Variants in TRAF7 observed in about 807,000 individuals in gnomAD.
TRAF7 encodes E3 ubiquitin-protein ligase TRAF7.
In TRAF7, 45 loss-of-function variants were observed where a neutral mutation model predicts 89.3. The ratio of observed to expected loss-of-function variants is 0.50; its 90% confidence interval spans 0.40 to 0.65. The LOEUF (loss-of-function observed/expected upper bound fraction) is 0.65, where lower values mean the gene tolerates loss of function less well. Among genes scored for constraint, TRAF7 ranks in the 30% least tolerant of loss-of-function variants. TRAF7 has a pLI of 0.00. For missense variants in TRAF7, 677 were observed against 918.1 expected (o/e 0.74, Z 3.39); for synonymous variants, 406 against 369.2 (o/e 1.10, Z -1.14).
In TRAF7 at chr16:2,174,275, A is replaced by C. The variant is rs765386143; in HGVS notation, c.1288A>C (p.Lys430Gln). 1 of 1,613,166 alleles carries C rather than the reference A, an allele frequency of 6.2e-7. No individual in the cohort carries two copies. The change falls in exon 14 of 21, where the codon AAG becomes CAG. Residue 430 changes from lysine to glutamine, a missense_variant. Physicochemically the swap from Lys to Gln is moderately conservative, Grantham distance 53. Coordinates refer to ENST00000326181, the MANE Select transcript of TRAF7 (RefSeq NM_032271.3). The part of the protein sequence containing the change: ...IKVWDTCTTY[K>Q]CQKTLEGHDG... ...GGTGTGGGACACATGTACCACCTAC[A>C]AGTGTCAGAAGACACTGGAGGGCCA... is the stretch of plus-strand genomic sequence containing the variant.
At chr16:2,172,048 G>A (rs1162701907) in intron 7 of TRAF7, 143 bp from the exon 8 acceptor site, 4 of 923,504 alleles carry the variant, frequency 4.3e-6, no homozygotes, top group East Asian at 2.6e-5. Context: ...CTTCTTGGTG[G>A]CCCACCTGTG....
rs531197830 is a variant in TRAF7 at position 2,162,979 on chromosome 16, G to C, written c.-38-904G>C. ...CAGAGCCTGGTGCCTCACGGGGGGA[G>C]AGTGGGCGTCATCCAGCATGGACAG... On this transcript the variant is annotated intron_variant, in intron 1 of 20. Coordinates refer to ENST00000326181, the MANE Select transcript of TRAF7 (RefSeq NM_032271.3). The surrounding 1 kb of genome is among the most constrained non-coding windows in gnomAD (Gnocchi z 5.0). Among the ~76,000 whole-genome samples the C allele has an allele frequency of 6.6e-6, 1 of 151,188 alleles. No individual in the cohort carries two copies. Among genetic ancestry groups the C allele is most frequent in the Admixed American group, 6.5e-5 (1 of 15,286 alleles).
chr16:2,156,742 G>T (rs148498479), intron 1 of TRAF7, among the ~76,000 whole-genome samples: 2 of 152,036 alleles, frequency 1.3e-5, no homozygotes, highest in African/African-American at 4.8e-5. Context: ...GGTGGGGCGG[G>T]GGGGTTATTA....
In TRAF7 at chr16:2,178,072, T is replaced by G; in HGVS notation, c.*1498T>G. ...ATTTGTTAAAGTTATACCTTTTTGT[T>G]TCTCTGGGGAAATCCGCCTCAGCTC... On this transcript the variant is annotated 3_prime_UTR_variant, in exon 21 of 21. Transcript: ENST00000326181. 1 of 486,536 alleles carries G rather than the reference T, an allele frequency of 2.1e-6. No individual in the cohort carries two copies. The highest frequency in any genetic ancestry group is 3.9e-6 in the Non-Finnish European group (1 of 254,414). 30.1% of individuals were successfully genotyped at this position (486,536 alleles called of 1,614,324 possible).
In TRAF7 at chr16:2,163,725, G is replaced by A. The variant is rs1037265376; in HGVS notation, c.-38-158G>A. On this transcript the variant is annotated intron_variant, in intron 1 of 20. Transcript: ENST00000326181. This position sits in a 1 kb window ranked among gnomAD's most constrained non-coding sequence, Gnocchi z 4.3. The stretch of plus-strand genomic sequence containing the variant: ...CCTGGGATCGGGGTGAAGGACCTTT[G>A]CCTCCTAGAGGCCTGCCTGAGCCGG... 3.3e-6 allele frequency: 2 copies of A among 611,788 alleles called. No homozygotes were observed. The highest frequency in any genetic ancestry group is 5.8e-6 in the Non-Finnish European group (2 of 342,512). 37.9% of individuals were successfully genotyped at this position (611,788 alleles called of 1,614,324 possible).
In TRAF7 at chr16:2,171,731, T is replaced by A. The variant is rs975686763; in HGVS notation, c.475+126T>A. ...TGTTTGGCCTCTGCTGGGGTTGGGA[T>A]GGGGCTGCAGCCGTCCTAGGGACGC... On this transcript the variant is annotated intron_variant, in intron 7 of 20. Transcript: ENST00000326181. 44 of 1,448,540 alleles carry A rather than the reference T, an allele frequency of 3.0e-5. 1 individual carries two copies. The highest frequency in any genetic ancestry group is 4.0e-5 in the Non-Finnish European group (42 of 1,050,448). 89.7% of individuals were successfully genotyped at this position (1,448,540 alleles called of 1,614,324 possible). A position where few individuals can be genotyped will look rare whatever the true frequency, so the allele number is the denominator to read the frequency against.
At chr16:2,166,255 T>C (rs111438499) in intron 3 of TRAF7, among the ~76,000 whole-genome samples, 1,634 of 152,246 alleles carry the variant, frequency 0.011, 28 homozygotes, top group African/African-American at 0.037. Context: ...GTCACAGTGA[T>C]CCCCAGCTTG....
At chr16:2,172,823 G>C (rs1480938633) in intron 9 of TRAF7, among the ~76,000 whole-genome samples, 3 of 144,400 alleles carry the variant, frequency 2.1e-5, no homozygotes, top group African/African-American at 7.5e-5. Flanking sequence ...AGCATGGGCG[G>C]ATTTGAGCAA....
In TRAF7 at chr16:2,167,135, C is replaced by G. The variant is rs1358327798; in HGVS notation, c.140-942C>G. Among the ~76,000 whole-genome samples, 3 of 152,248 alleles carry G rather than the reference C, an allele frequency of 2.0e-5. No individual in the cohort carries two copies. In the East Asian group the frequency reaches 5.8e-4, roughly 29 times the overall value. Reference sequence around the variant, plus strand: ...CCCCCAAAAAACGGTGCCTTTTCATCTACCCTTAGAAGCCCCATGGCCCCT... The same window carrying G: ...CCCCCAAAAAACGGTGCCTTTTCATGTACCCTTAGAAGCCCCATGGCCCCT... On this transcript the variant is annotated intron_variant, in intron 3 of 20. Coordinates refer to ENST00000326181, the MANE Select transcript of TRAF7 (RefSeq NM_032271.3).
chr16:2,162,323 C>T lies in TRAF7; in HGVS notation c.-38-1560C>T, dbSNP rs891234011. Among the ~76,000 whole-genome samples, 7 of 152,146 alleles carry T rather than the reference C, an allele frequency of 4.6e-5. No homozygotes were observed. The highest frequency in any genetic ancestry group is 1.4e-4 in the African/African-American group (6 of 41,456). On this transcript the variant is annotated intron_variant, in intron 1 of 20. Coordinates refer to ENST00000326181, the MANE Select transcript of TRAF7 (RefSeq NM_032271.3). This position sits in a 1 kb window ranked among gnomAD's most constrained non-coding sequence, Gnocchi z 5.0. ...GAACCAAGGGCTTGAGAGCCAGCCC[C>T]TCCCTGCACACCTGTAGGCCGGGCT...
At chr16:2,157,571 C>T (rs2093040209) in intron 1 of TRAF7, among the ~76,000 whole-genome samples, 1 of 152,312 alleles carries the variant, frequency 6.6e-6, no homozygotes, top group Non-Finnish European at 1.5e-5. Context: ...CGTGTTCAGC[C>T]GTCACACATC....
chr16:2,173,654 C>A (rs2093122891), intron 11 of TRAF7, 100 bp downstream of exon 11: 1 of 1,574,628 alleles, frequency 6.4e-7, no homozygotes, highest in African/African-American at 1.3e-5. Context: ...TAGTCAAGAT[C>A]AGGGGTCTTG....
Position 2,170,701 on chromosome 16 carries a change from T to C in TRAF7, c.319T>C (p.Phe107Leu). 1 of 1,606,578 alleles carries C rather than the reference T, an allele frequency of 6.2e-7. No individual in the cohort carries two copies. Among genetic ancestry groups the C allele is most frequent in the Non-Finnish European group, 8.5e-7 (1 of 1,177,002 alleles). The change falls in exon 5 of 21, where the codon TTC (phenylalanine) becomes CTC (leucine). Residue 107 changes from phenylalanine (F) to leucine (L), a missense_variant. By Grantham distance (22) the Phe-to-Leu change is conservative (BLOSUM62 0). Transcript: ENST00000326181. ...SESSMSLRST[F>L]SLPEEEEEPE... Reference sequence around the variant, plus strand: ...GTCCAGCATGTCTCTGCGCTCCACATTCTCACTGCCCGAGGAGGAGGAGGA... The same window carrying C: ...GTCCAGCATGTCTCTGCGCTCCACACTCTCACTGCCCGAGGAGGAGGAGGA...
intron 1 of TRAF7, among the ~76,000 whole-genome samples, chr16:2,160,709 C>T (rs746474604): frequency 2.0e-5 from 3 of 152,076 alleles, no homozygotes; most frequent in Non-Finnish European, 4.4e-5. Flanking sequence ...ATGGAACACA[C>T]CCCCACTTCC....
chr16:2,168,192 C>A lies in TRAF7; in HGVS notation c.231+24C>A. On this transcript the variant is annotated intron_variant, in intron 4 of 20. Coordinates refer to ENST00000326181, the MANE Select transcript of TRAF7 (RefSeq NM_032271.3). This position sits in a 1 kb window ranked among gnomAD's most constrained non-coding sequence, Gnocchi z 4.1. Reference sequence around the variant, plus strand: ...TGGTAGGTCCCTACCCCCAGGAGCCCGTGTGAGCCTCAGCCTCCCCCCATC... The same window carrying A: ...TGGTAGGTCCCTACCCCCAGGAGCCAGTGTGAGCCTCAGCCTCCCCCCATC... 1 of 1,588,376 alleles carries A rather than the reference C, an allele frequency of 6.3e-7. No homozygotes were observed. The highest frequency in any genetic ancestry group is 2.3e-5 in the East Asian group (1 of 43,482).
chr16:2,165,055 C>T (rs2093077800), intron 2 of TRAF7, among the ~76,000 whole-genome samples: 1 of 121,126 alleles, frequency 8.3e-6, no homozygotes, highest in Non-Finnish European at 1.6e-5. Context: ...GGCCTGGTCG[C>T]ATGCTGAAGC....
intron 3 of TRAF7, among the ~76,000 whole-genome samples, 155 bp downstream of exon 3, chr16:2,166,091 C>A (rs574071740): frequency 2.1e-4 from 32 of 152,370 alleles, no homozygotes; most frequent in Admixed American, 7.8e-4. Flanking sequence ...GTCCTCACAG[C>A]CTCTCAGCCC....
intron 4 of TRAF7, among the ~76,000 whole-genome samples, chr16:2,169,756 C>T (rs754980420): frequency 2.6e-5 from 4 of 152,240 alleles, no homozygotes; most frequent in Non-Finnish European, 5.9e-5. Context: ...GCAGACGGGC[C>T]CTTGGGACCC....
chr16:2,173,605 C>T (rs749764257), intron 11 of TRAF7, 51 bp downstream of exon 11: 11 of 1,599,938 alleles, frequency 6.9e-6, no homozygotes, highest in East Asian at 4.5e-5. Context: ...GGGAGGCCGG[C>T]GGCCCCGGCA....
Sources: allele counts gnomAD v4.1 joint callset (sites outside exome capture counted in the v4.1 genomes callset), GRCh38; gene constraint gnomAD v4.1.1; non-coding constraint Gnocchi (gnomAD v3.1); transcripts MANE v1.5; gene names NCBI Gene and HGNC (gene_info 2026-07-23, HGNC 2026-07-21).